The following GLI2 variants were observed in gnomAD, a reference collection of about 807,000 sequenced individuals.
GLI2 encodes the protein GLI family zinc finger 2.
A neutral mutation model predicts 78.9 loss-of-function variants in GLI2; 22 were observed. That is an observed-to-expected ratio of 0.28 (90% CI 0.20 to 0.40). GLI2 has a LOEUF of 0.40. Among genes scored for constraint, GLI2 ranks in the 10% least tolerant of loss-of-function variants. The probability of loss-of-function intolerance (pLI) is 1.00; values close to 1 mark genes in which losing one functional copy is unlikely to be tolerated. For synonymous variants in GLI2, 974 were observed against 963.7 expected (o/e 1.01, Z -0.20); for missense variants, 2,097 against 2,213.2 (o/e 0.95, Z 1.05).
chr2:120,826,863 C>T (rs1051518092), intron 2 of GLI2, among the ~76,000 whole-genome samples: 2 of 152,186 alleles, frequency 1.3e-5, no homozygotes, highest in Non-Finnish European at 2.9e-5. Flanking sequence ...TGCCCGGCTC[C>T]CGCTTCCTCT....
At chr2:120,768,314 G>A (rs1036900897) in intron 1 of GLI2, among the ~76,000 whole-genome samples, 1 of 152,210 alleles carries the variant, frequency 6.6e-6, no homozygotes, top group East Asian at 1.9e-4. Context: ...GAGAGGAGAA[G>A]CGCCCTCAGA....
chr2:120,790,011 G>A (rs1010925219), intron 1 of GLI2, among the ~76,000 whole-genome samples: 2 of 152,218 alleles, frequency 1.3e-5, no homozygotes, highest in Non-Finnish European at 2.9e-5. Context: ...TGGGGCTCCC[G>A]GTGCAGCGAC....
intron 2 of GLI2, among the ~76,000 whole-genome samples, chr2:120,847,643 G>C (rs1573472803): frequency 1.3e-5 from 2 of 151,914 alleles, no homozygotes; most frequent in East Asian, 3.9e-4. Flanking sequence ...GGATGGATTG[G>C]GGGATTGGAT....
At chr2:120,973,363 G>A (rs1188059777) in intron 8 of GLI2, among the ~76,000 whole-genome samples, 1 of 152,234 alleles carries the variant, frequency 6.6e-6, no homozygotes, top group Non-Finnish European at 1.5e-5. Context: ...GAGCCCCATG[G>A]CCACACGCCG....
chr2:120,744,313 G>C (rs911425475), intron 1 of GLI2, among the ~76,000 whole-genome samples: 2 of 152,186 alleles, frequency 1.3e-5, no homozygotes, highest in African/African-American at 4.8e-5. Context: ...ATTTAGGGCT[G>C]GCCCTCGCTG....
At chr2:120,756,698 G>A (rs914204236) in intron 1 of GLI2, among the ~76,000 whole-genome samples, 2 of 152,188 alleles carry the variant, frequency 1.3e-5, no homozygotes, top group African/African-American at 2.4e-5. Context: ...GTGCATAGAT[G>A]TTTAGGATTG....
intron 2 of GLI2, among the ~76,000 whole-genome samples, chr2:120,801,908 G>A (rs1684724429): frequency 6.6e-6 from 1 of 152,260 alleles, no homozygotes; most frequent in Admixed American, 6.5e-5. Flanking sequence ...CATGGTGAGA[G>A]TCTCTTTCAG....
chr2:120,899,979 T>A (rs1182652869), intron 2 of GLI2, among the ~76,000 whole-genome samples: 1 of 152,158 alleles, frequency 6.6e-6, no homozygotes, highest in African/African-American at 2.4e-5. Context: ...TCCAAGGGCC[T>A]GGGAAGGTGC....
chr2:120,739,796 TC>T (rs534461871), intron 1 of GLI2, among the ~76,000 whole-genome samples: 284 of 152,330 alleles, frequency 1.9e-3, no homozygotes, highest in Admixed American at 4.0e-3. Flanking sequence ...GTTTTCAGAT[TC>T]CAGAAAATTC....
intron 2 of GLI2, among the ~76,000 whole-genome samples, chr2:120,880,559 T>C (rs759538721): frequency 4.6e-5 from 7 of 152,120 alleles, no homozygotes; most frequent in Admixed American, 2.0e-4. Flanking sequence ...AGGTCACATC[T>C]GTGGTCATTC....
chr2:120,768,211 T>C (rs1315457769), intron 1 of GLI2, among the ~76,000 whole-genome samples: 1 of 152,244 alleles, frequency 6.6e-6, no homozygotes, highest in Admixed American at 6.5e-5. Context: ...CCAGGCCCTG[T>C]GCTCAGAGCC....
intron 5 of GLI2, among the ~76,000 whole-genome samples, chr2:120,958,220 G>C (rs1427692870): frequency 6.6e-6 from 1 of 152,218 alleles, no homozygotes; most frequent in East Asian, 1.9e-4. Flanking sequence ...CATTGACTGA[G>C]ATGGCACATG....
intron 2 of GLI2, among the ~76,000 whole-genome samples, chr2:120,860,356 C>T (rs79536383): frequency 0.031 from 4,710 of 152,272 alleles, 238 homozygotes; most frequent in African/African-American, 0.11. Flanking sequence ...TGGGCTTCTT[C>T]ATCTGCAGGG....
At chr2:120,880,896 A>G (rs570388618) in intron 2 of GLI2, among the ~76,000 whole-genome samples, 1 of 152,190 alleles carries the variant, frequency 6.6e-6, no homozygotes, top group Non-Finnish European at 1.5e-5. Context: ...ACCTAGCTAC[A>G]TGGATGGAAA....
At chr2:120,848,384 T>G (rs1391928562) in intron 2 of GLI2, among the ~76,000 whole-genome samples, 4 of 151,834 alleles carry the variant, frequency 2.6e-5, no homozygotes, top group African/African-American at 9.7e-5. Context: ...GCGAGCAGAG[T>G]GGGGATGGCC....
intron 2 of GLI2, among the ~76,000 whole-genome samples, chr2:120,898,966 G>A (rs1241234391): frequency 6.6e-6 from 1 of 152,266 alleles, no homozygotes; most frequent in South Asian, 2.1e-4. Flanking sequence ...TTGTCAGCAC[G>A]TGGCACCTCC....
At chr2:120,765,797 T>C (rs1240843952) in intron 1 of GLI2, among the ~76,000 whole-genome samples, 1 of 152,234 alleles carries the variant, frequency 6.6e-6, no homozygotes, top group Non-Finnish European at 1.5e-5. Flanking sequence ...ATCAGGCGTC[T>C]TTGAGACCGC....
At chr2:120,779,593 T>G (rs1683779242) in intron 1 of GLI2, among the ~76,000 whole-genome samples, 1 of 152,230 alleles carries the variant, frequency 6.6e-6, no homozygotes, top group Non-Finnish European at 1.5e-5. Flanking sequence ...AGCAAGAGGA[T>G]TTAGACTCTT....
chr2:120,849,517 C>T (rs1326627144), intron 2 of GLI2, among the ~76,000 whole-genome samples: 3 of 152,134 alleles, frequency 2.0e-5, no homozygotes, highest in Non-Finnish European at 4.4e-5. Flanking sequence ...AGTAAGGTAA[C>T]TCTCTGGGGT....
Sources: allele counts gnomAD v4.1 joint callset (sites outside exome capture counted in the v4.1 genomes callset), GRCh38; gene constraint gnomAD v4.1.1; transcripts MANE v1.5; gene names NCBI Gene and HGNC (gene_info 2026-07-23, HGNC 2026-07-21).